KRABD5: variants seen among roughly 807,000 people sequenced by gnomAD.
The protein encoded by KRABD5 is KRAB domain containing 5, also known as KRAB domain-containing protein 5.
At chr16:31,728,791 A>G in the KRABD5 span, among the ~76,000 whole-genome samples, 1 of 152,188 alleles carries the variant, frequency 6.6e-6, no homozygotes, top group Non-Finnish European at 1.5e-5. Context: ...ATGGGATGTT[A>G]TATGTACATT....
chr16:31,755,145 G>T, the KRABD5 span: 1 of 489,280 alleles, frequency 2.0e-6, no homozygotes. Flanking sequence ...TGTAAGGAAT[G>T]CAGCAAAGCC....
At chr16:31,741,965 A>G in the KRABD5 span, among the ~76,000 whole-genome samples, 1 of 152,064 alleles carries the variant, frequency 6.6e-6, no homozygotes, top group Non-Finnish European at 1.5e-5. Flanking sequence ...ATTTTTATAT[A>G]TGGTGAAATG....
the KRABD5 span, among the ~76,000 whole-genome samples, chr16:31,749,812 G>T: frequency 6.6e-6 from 1 of 152,174 alleles, no homozygotes; most frequent in South Asian, 2.1e-4. Context: ...GGTTGCTGGT[G>T]AAAGATTCAC....
At chr16:31,746,223 A>C in the KRABD5 span, among the ~76,000 whole-genome samples, 1 of 151,778 alleles carries the variant, frequency 6.6e-6, no homozygotes, top group Non-Finnish European at 1.5e-5. Context: ...ATTAGTCTTT[A>C]TGTTTTTGTG....
the KRABD5 span, chr16:31,722,644 G>T: frequency 1.2e-6 from 2 of 1,613,312 alleles, no homozygotes; most frequent in African/African-American, 2.7e-5. Context: ...GACATTCAGG[G>T]ATGTGGCCAT....
the KRABD5 span, among the ~76,000 whole-genome samples, chr16:31,721,822 T>C: frequency 6.6e-6 from 1 of 152,212 alleles, no homozygotes; most frequent in Non-Finnish European, 1.5e-5. Flanking sequence ...CCTGAGGCAT[T>C]GGTGTCACTG....
At chr16:31,750,686 T>C in the KRABD5 span, among the ~76,000 whole-genome samples, 1 of 151,998 alleles carries the variant, frequency 6.6e-6, no homozygotes, top group Non-Finnish European at 1.5e-5. Flanking sequence ...CATTTAGAGG[T>C]ATGTTTCTTC....
the KRABD5 span, among the ~76,000 whole-genome samples, chr16:31,715,716 T>C: frequency 6.6e-6 from 1 of 152,144 alleles, no homozygotes; most frequent in African/African-American, 2.4e-5. Flanking sequence ...CTGTGCTGCC[T>C]CTGGGTGCTG....
At chr16:31,741,223 C>T in the KRABD5 span, among the ~76,000 whole-genome samples, 1 of 152,238 alleles carries the variant, frequency 6.6e-6, no homozygotes, top group African/African-American at 2.4e-5. Flanking sequence ...TGATGGGCAT[C>T]TAGGCTGATT....
At chr16:31,728,799 A>G in the KRABD5 span, among the ~76,000 whole-genome samples, 1 of 152,188 alleles carries the variant, frequency 6.6e-6, no homozygotes, top group Non-Finnish European at 1.5e-5. Context: ...TTATATGTAC[A>G]TTTAGTCTAT....
chr16:31,718,020 A>G, the KRABD5 span, among the ~76,000 whole-genome samples: 1 of 152,192 alleles, frequency 6.6e-6, no homozygotes, highest in African/African-American at 2.4e-5. Context: ...AAACCGATTC[A>G]GAGACCATGG....
At chr16:31,729,959 C>T in the KRABD5 span, among the ~76,000 whole-genome samples, 1 of 151,930 alleles carries the variant, frequency 6.6e-6, no homozygotes, top group African/African-American at 2.4e-5. Flanking sequence ...CATTTTAAAA[C>T]TTTTTATATT....
chr16:31,754,293 G>A, the KRABD5 span: 9 of 621,800 alleles, frequency 1.4e-5, no homozygotes, highest in African/African-American at 3.7e-5. Context: ...ATAACACCTC[G>A]TTCTGCCTGT....
At chr16:31,740,759 A>G in the KRABD5 span, among the ~76,000 whole-genome samples, 1 of 152,094 alleles carries the variant, frequency 6.6e-6, no homozygotes, top group African/African-American at 2.4e-5. Flanking sequence ...TGATTGTACC[A>G]GTGTACTCCA....
the KRABD5 span, among the ~76,000 whole-genome samples, chr16:31,736,514 A>ATT: frequency 9.8e-6 from 1 of 101,764 alleles, no homozygotes; most frequent in Non-Finnish European, 2.0e-5. Flanking sequence ...TTTTAATAAT[A>ATT]TTCTTTTTTT....
chr16:31,744,903 T>G, the KRABD5 span, among the ~76,000 whole-genome samples: 1 of 152,226 alleles, frequency 6.6e-6, no homozygotes, highest in Non-Finnish European at 1.5e-5. Context: ...TTTTCTAGTT[T>G]ACTTGTGTAG....
the KRABD5 span, among the ~76,000 whole-genome samples, chr16:31,727,425 G>A: frequency 2.0e-5 from 3 of 152,214 alleles, no homozygotes; most frequent in Non-Finnish European, 4.4e-5. Flanking sequence ...GCAGCTCTAT[G>A]ACTGCTCCTG....
the KRABD5 span, among the ~76,000 whole-genome samples, chr16:31,750,786 T>C: frequency 6.6e-6 from 1 of 152,026 alleles, no homozygotes; most frequent in South Asian, 2.1e-4. Flanking sequence ...GAAATGGTGA[T>C]TTTTTTTGGA....
chr16:31,755,059 A>T, the KRABD5 span: 1 of 478,558 alleles, frequency 2.1e-6, no homozygotes, highest in Non-Finnish European at 4.3e-6. Flanking sequence ...AATGTAAAGA[A>T]TGTGGTAAAT....
Sources: allele counts gnomAD v4.1 joint callset (sites outside exome capture counted in the v4.1 genomes callset), GRCh38; gene constraint gnomAD v4.1.1; transcripts MANE v1.5; gene names NCBI Gene and HGNC (gene_info 2026-07-23, HGNC 2026-07-21).